ANKRD36C: variants seen among roughly 807,000 people sequenced by gnomAD.
ANKRD36C encodes the protein ankyrin repeat domain-containing protein 36C.
In ANKRD36C, 61 loss-of-function variants were observed where a neutral mutation model predicts 276.4. That is an observed-to-expected ratio of 0.22 (90% CI 0.18 to 0.27). The LOEUF is 0.27. Among genes scored for constraint, ANKRD36C ranks in the 10% least tolerant of loss-of-function variants. The probability of loss-of-function intolerance (pLI) is 1.00; values close to 1 mark genes in which losing one functional copy is unlikely to be tolerated. For synonymous variants in ANKRD36C, 483 were observed against 680.1 expected (o/e 0.71, Z 4.51); for missense variants, 1,447 against 2,032.3 (o/e 0.71, Z 5.54).
At chr2:95,929,406 G>C in intron 24 of ANKRD36C, 139 bp from the exon 25 acceptor site, 1 of 628,980 alleles carries the variant, frequency 1.6e-6, no homozygotes, top group Non-Finnish European at 2.7e-6. Flanking sequence ...TTTATACTTT[G>C]TTTCTTGGGA....
At chr2:95,959,216 C>CT (rs1426118101) in intron 10 of ANKRD36C, among the ~76,000 whole-genome samples, 1 of 152,048 alleles carries the variant, frequency 6.6e-6, no homozygotes, top group Non-Finnish European at 1.5e-5. Context: ...TTATCATGTT[C>CT]TTAAACTTGC....
chr2:95,948,409 AT>A (rs1678111215), intron 17 of ANKRD36C, 120 bp downstream of exon 17: 1 of 1,035,124 alleles, frequency 9.7e-7, no homozygotes, highest in African/African-American at 1.7e-5. Context: ...GTTATCTCTA[AT>A]AAAAGTTTTA....
intron 36 of ANKRD36C, 80 bp downstream of exon 38, chr2:95,917,775 C>T: frequency 6.6e-7 from 1 of 1,509,940 alleles, no homozygotes; most frequent in South Asian, 1.2e-5. Context: ...CCCCAACCGC[C>T]CTCCGCTGAT....
exon 47 of ANKRD36C, chr2:95,889,970 A>C: frequency 6.2e-7 from 1 of 1,609,914 alleles, no homozygotes. Context: ...AATTACCTTC[A>C]AGGCTGGTTG....
chr2:95,887,377 T>A (rs1676224721), intron 50 of ANKRD36C, among the ~76,000 whole-genome samples: 1 of 151,068 alleles, frequency 6.6e-6, no homozygotes, highest in Admixed American at 6.6e-5. Flanking sequence ...TAAATGCCTC[T>A]GAAGTGAGTC....
At chr2:95,943,164 A>C (rs1677940831) in intron 19 of ANKRD36C, among the ~76,000 whole-genome samples, 1 of 152,312 alleles carries the variant, frequency 6.6e-6, no homozygotes, top group African/African-American at 2.4e-5. Flanking sequence ...CATTCAATGA[A>C]TATAAATTAG....
chr2:95,989,989 C>A (rs1679103830), intron 1 of ANKRD36C, among the ~76,000 whole-genome samples: 1 of 152,006 alleles, frequency 6.6e-6, no homozygotes, highest in Non-Finnish European at 1.5e-5. Flanking sequence ...ACTTTTTTAT[C>A]TAATATGTAT....
At position 95,948,614 on chromosome 2, in the gene ANKRD36C, ATG is replaced by A. The variant is rs1678116441; in HGVS notation, c.1296-20_1296-19del. 9 of 1,533,958 alleles carry A rather than the reference ATG, an allele frequency of 5.9e-6. No individual in the cohort carries two copies. Among genetic ancestry groups the A allele is most frequent in the African/African-American group, 1.4e-5 (1 of 72,862 alleles). ...AGAGACACCTACAGAGCAAAAAGAT[ATG>A]AAAAAAATGAGCACGTTCATTTCTT... On this transcript the variant is annotated intron_variant, in intron 16 of 66. Coordinates refer to ENST00000456556, the Ensembl canonical transcript of ANKRD36C.
chr2:95,883,664 C>A (rs1339159877), intron 54 of ANKRD36C, among the ~76,000 whole-genome samples: 5 of 151,976 alleles, frequency 3.3e-5, no homozygotes, highest in Non-Finnish European at 7.4e-5. Context: ...GAAGAAACAA[C>A]AAAATTACCT....
At chr2:95,941,449 G>A (rs1379371648) in intron 19 of ANKRD36C, among the ~76,000 whole-genome samples, 1 of 152,266 alleles carries the variant, frequency 6.6e-6, no homozygotes, top group Non-Finnish European at 1.5e-5. Flanking sequence ...ACAGCACAAA[G>A]GCAATAACAC....
At chr2:95,872,008 T>C (rs1015601936) in intron 59 of ANKRD36C, among the ~76,000 whole-genome samples, 12 of 146,216 alleles carry the variant, frequency 8.2e-5, no homozygotes, top group Admixed American at 3.4e-4. Context: ...AGCACCCAGA[T>C]TCATAAAGCA....
chr2:95,902,163 G>T (rs1041534924), intron 42 of ANKRD36C, among the ~76,000 whole-genome samples: 8 of 149,830 alleles, frequency 5.3e-5, no homozygotes, highest in African/African-American at 1.5e-4. Flanking sequence ...TCATATTCAA[G>T]ATTATCTCAT....
intron 46 of ANKRD36C, among the ~76,000 whole-genome samples, chr2:95,890,404 A>G (rs997868942): frequency 2.0e-5 from 3 of 151,536 alleles, no homozygotes; most frequent in African/African-American, 7.3e-5. Flanking sequence ...ATTATAGTAC[A>G]AACATTCATC....
rs1172647976 is a variant in ANKRD36C, at chr2:95,852,405, ATTG to A, written c.5149-212_5149-210del. On this transcript the variant is annotated intron_variant, in intron 64 of 66. Transcript: ENST00000456556. The stretch of plus-strand genomic sequence containing the variant: ...ACTGCTACACCCCTTCAGTCTGCAT[ATTG>A]TTCATGGCTACTTTTGTGCTGTAAC... The A allele has an allele frequency of 2.8e-5, 15 of 534,818 alleles. No individual in the cohort carries two copies. The African/African-American group carries it at 2.9e-4, about 10-fold the overall frequency. The allele number at this position is 534,818 out of a possible 1,614,324, so 33.1% of individuals were successfully genotyped here.
intron 48 of ANKRD36C, among the ~76,000 whole-genome samples, chr2:95,888,857 C>T (rs1676266204): frequency 6.6e-6 from 1 of 151,590 alleles, no homozygotes; most frequent in Admixed American, 6.6e-5. Context: ...AAAACTGCTA[C>T]AAGCATTAGA....
At chr2:95,852,134 G>T in exon 65 of ANKRD36C, 1 of 1,596,222 alleles carries the variant, frequency 6.3e-7, no homozygotes, top group Non-Finnish European at 8.6e-7. Flanking sequence ...ACTTTTGTGC[G>T]TCGCCTTCCA....
At chr2:95,983,582 ATCAT>A (rs569505882) in intron 3 of ANKRD36C, among the ~76,000 whole-genome samples, 33 of 149,670 alleles carry the variant, frequency 2.2e-4, no homozygotes, top group South Asian at 8.5e-4. Flanking sequence ...AATTATTTGC[ATCAT>A]TTATTTATTT....
At chr2:95,978,281 A>T in intron 5 of ANKRD36C, 92 bp from the exon 6 acceptor site, 1 of 431,656 alleles carries the variant, frequency 2.3e-6, no homozygotes, top group Non-Finnish European at 4.2e-6. Flanking sequence ...CTTGAACAAT[A>T]TCAGGATGTT....
intron 50 of ANKRD36C, 107 bp downstream of exon 70, chr2:95,887,818 G>A (rs1676235456): frequency 1.5e-6 from 2 of 1,357,674 alleles, no homozygotes; most frequent in Admixed American, 4.4e-5. Flanking sequence ...CAGGCCTGCT[G>A]AATCAGAATG....
Sources: gnomAD v4.1 joint callset for allele counts (sites outside exome capture counted in the v4.1 genomes callset) on GRCh38, gnomAD v4.1.1 for gene constraint, MANE v1.5 for transcripts, NCBI Gene and HGNC (gene_info 2026-07-23, HGNC 2026-07-21) for gene names.